The following PHACTR2 variants were observed in gnomAD, a reference collection of about 807,000 sequenced individuals.
The protein encoded by PHACTR2 is chromosome 6 open reading frame 56.
A neutral mutation model predicts 76.0 loss-of-function variants in PHACTR2; 30 were observed. The ratio of observed to expected loss-of-function variants is 0.39; its 90% CI spans 0.30 to 0.54. PHACTR2 has a LOEUF of 0.54. Among genes scored for constraint, PHACTR2 ranks in the 20% least tolerant of loss-of-function variants. The probability of loss-of-function intolerance (pLI) is 0.61; values close to 1 mark genes in which losing one functional copy is unlikely to be tolerated. For synonymous variants in PHACTR2, 292 were observed against 292.5 expected (o/e 1.00, Z 0.02); for missense variants, 696 against 781.1 (o/e 0.89, Z 1.30).
In PHACTR2 at chr6:143,788,829, C is replaced by T. The variant is rs926878239; in HGVS notation, c.1764C>T (p.Asn588=). 14 of 1,613,618 alleles carry T rather than the reference C, an allele frequency of 8.7e-6. No individual in the cohort carries two copies. Among genetic ancestry groups the T allele is most frequent in the Admixed American group, 1.7e-5 (1 of 60,012 alleles). The change falls in exon 11 of 13, where the codon AAC becomes AAT. Residue 588 remains asparagine (N), a synonymous_variant. Coordinates refer to ENST00000440869, the MANE Select transcript of PHACTR2 (RefSeq NM_001100164.2). The stretch of plus-strand genomic sequence containing the variant: ...AAGCTCGAAGGATCCTGCGATTTAA[C>T]GAGTATGTAGAAGTCACGGATTCTC... ...ELQARRILRF[N]EYVEVTDSPD...
intron 2 of PHACTR2, among the ~76,000 whole-genome samples, chr6:143,726,445 C>T (rs950904564): frequency 6.6e-6 from 1 of 152,166 alleles, no homozygotes; most frequent in African/African-American, 2.4e-5. Flanking sequence ...TTTGCCCCCC[C>T]AGTAACCCAC....
At chr6:143,631,716 G>A (rs1016350702) in intron 1 of PHACTR2, among the ~76,000 whole-genome samples, 2 of 152,280 alleles carry the variant, frequency 1.3e-5, no homozygotes, top group African/African-American at 2.4e-5. Context: ...TCAGTCTGCA[G>A]TCTGGTCCTG....
At chr6:143,690,625 A>G (rs1025674071) in intron 1 of PHACTR2, among the ~76,000 whole-genome samples, 1 of 152,220 alleles carries the variant, frequency 6.6e-6, no homozygotes, top group Non-Finnish European at 1.5e-5. Context: ...AATCAGGATG[A>G]ACGTTTTCCT....
At chr6:143,668,897 T>C (rs1777095670) in intron 1 of PHACTR2, among the ~76,000 whole-genome samples, 1 of 152,184 alleles carries the variant, frequency 6.6e-6, no homozygotes, top group South Asian at 2.1e-4. Flanking sequence ...CTTAGTTATT[T>C]CTTGTTTTCT....
rs1778966233 is a variant in PHACTR2, at chr6:143,742,420, G to T, written c.215-6565G>T. Among the ~76,000 whole-genome samples, 1 of 152,194 alleles carries T rather than the reference G, an allele frequency of 6.6e-6. No homozygotes were observed. Among genetic ancestry groups the T allele is most frequent in the African/African-American group, 2.4e-5 (1 of 41,440 alleles). On this transcript the variant is annotated intron_variant, in intron 2 of 12. Transcript: ENST00000440869. The surrounding 1 kb of genome is among the most constrained non-coding windows in gnomAD (Gnocchi z 4.5). The stretch of plus-strand genomic sequence containing the variant: ...AGCCACTCTTGCTCATATTTGTCTG[G>T]TTTTAACAGCTCCAGAAGAAAGAGA...
At chr6:143,650,593 A>G (rs148415028) in intron 1 of PHACTR2, among the ~76,000 whole-genome samples, 1,903 of 152,314 alleles carry the variant, frequency 0.012, 41 homozygotes, top group African/African-American at 0.043. Context: ...AGGATTCCCT[A>G]TTTAATAAAT....
At position 143,688,343 on chromosome 6, in the gene PHACTR2, GGGGT is replaced by G. The variant is rs1359807394; in HGVS notation, c.46+10139_46+10142del. 6.6e-6 allele frequency among the ~76,000 whole-genome samples: 1 copy of G among 152,104 alleles called. No homozygotes were observed. The highest frequency in any genetic ancestry group is 2.4e-5 in the African/African-American group (1 of 41,402). Reference sequence around the variant, plus strand: ...GAAGTGGATGCCTGATCTGGGGTGAGGGGTGGGTAGAGAAATGGGAGTAGGGTCT... The same window carrying G: ...GAAGTGGATGCCTGATCTGGGGTGAGGGGTAGAGAAATGGGAGTAGGGTCT... On this transcript the variant is annotated intron_variant, in intron 1 of 12. Coordinates refer to ENST00000440869, the MANE Select transcript of PHACTR2 (RefSeq NM_001100164.2). This position sits in a 1 kb window ranked among gnomAD's most constrained non-coding sequence, Gnocchi z 5.2.
At position 143,760,311 on chromosome 6, in the gene PHACTR2, G is replaced by T. The variant is rs571601440; in HGVS notation, c.455-90G>T. On this transcript the variant is annotated intron_variant, in intron 4 of 12. Coordinates refer to ENST00000440869, the MANE Select transcript of PHACTR2 (RefSeq NM_001100164.2). The surrounding 1 kb of genome is among the most constrained non-coding windows in gnomAD (Gnocchi z 6.4). The stretch of plus-strand genomic sequence containing the variant: ...TGATTCTCAAGTACCAAGCAGACAC[G>T]CTTTGTGTCACTATCGTCATGTCTT... 605 of 1,177,822 alleles carry T rather than the reference G, an allele frequency of 5.1e-4. No homozygotes were observed. The highest frequency in any genetic ancestry group is 7.0e-4 in the Non-Finnish European group (579 of 828,450). 73.0% of individuals were successfully genotyped at this position (1,177,822 alleles called of 1,614,324 possible). A position where few individuals can be genotyped will look rare whatever the true frequency, so the allele number is the denominator to read the frequency against.
At chr6:143,590,810 G>A (rs1775681488) in intron 1 of PHACTR2, among the ~76,000 whole-genome samples, 1 of 152,068 alleles carries the variant, frequency 6.6e-6, no homozygotes, top group South Asian at 2.1e-4. Context: ...CCCTTCCCTT[G>A]AAGGGTCTAT....
At chr6:143,810,035 C>T (rs949098967) in intron 12 of PHACTR2, among the ~76,000 whole-genome samples, 2 of 151,966 alleles carry the variant, frequency 1.3e-5, no homozygotes, top group African/African-American at 4.8e-5. Flanking sequence ...CACTTGATCC[C>T]AGGAGGCAGA....
chr6:143,699,312 C>T (rs1332765420), intron 1 of PHACTR2, among the ~76,000 whole-genome samples: 2 of 152,146 alleles, frequency 1.3e-5, no homozygotes, highest in African/African-American at 4.8e-5. Context: ...ACACCCAGGG[C>T]TCCTTCTCCT....
rs908507868 is a variant in PHACTR2 at position 143,656,475 on chromosome 6, G to A, written c.13+48153G>A. 4.6e-5 allele frequency among the ~76,000 whole-genome samples: 7 copies of A among 151,970 alleles called. No homozygotes were observed. Among genetic ancestry groups the A allele is most frequent in the East Asian group, 1.9e-4 (1 of 5,182 alleles). ...CTCATAGTGTTTTAAGAAAGTTTAC[G>A]TATTTGTTTTGGGCTGCATTCAAAG... On this transcript the variant is annotated intron_variant, in intron 1 of 11. Transcript: ENST00000305766. The surrounding 1 kb of genome is among the most constrained non-coding windows in gnomAD (Gnocchi z 5.3).
chr6:143,746,509 C>T (rs78664267), intron 2 of PHACTR2, among the ~76,000 whole-genome samples: 1 of 152,278 alleles, frequency 6.6e-6, no homozygotes, highest in African/African-American at 2.4e-5. Context: ...CACCTTCATC[C>T]TTAAGTTTAG....
chr6:143,614,769 C>T (rs530012703), intron 1 of PHACTR2, among the ~76,000 whole-genome samples: 14 of 152,290 alleles, frequency 9.2e-5, no homozygotes, highest in African/African-American at 3.4e-4. Context: ...TCATAAACAT[C>T]ACCATCAGAT....
rs1276169273 is a variant in PHACTR2, at chr6:143,647,216, C to T, written c.13+38894C>T. 6.6e-6 allele frequency among the ~76,000 whole-genome samples: 1 copy of T among 152,132 alleles called. No individual in the cohort carries two copies. Among genetic ancestry groups the T allele is most frequent in the Non-Finnish European group, 1.5e-5 (1 of 68,038 alleles). On this transcript the variant is annotated intron_variant, in intron 1 of 11. Coordinates refer to the PHACTR2 transcript ENST00000305766. The surrounding 1 kb of genome is among the most constrained non-coding windows in gnomAD (Gnocchi z 4.2). The stretch of plus-strand genomic sequence containing the variant: ...CTATTATAATATGTGTTTTGCATCC[C>T]TTTCTGTGATGTAGATAATATTAGT...
rs1397810607 is a variant in PHACTR2, at chr6:143,578,552, A to C, written c.217+41345A>C. ...AGCTGGGTACAAAATCACTCCTGCC[A>C]ACAAGAAAAGGAGGAAAAGGACCTT... is the stretch of plus-strand genomic sequence containing the variant. On this transcript the variant is annotated intron_variant, in intron 1 of 11. Coordinates refer to the PHACTR2 transcript ENST00000367584. This position sits in a 1 kb window ranked among gnomAD's most constrained non-coding sequence, Gnocchi z 4.5. 9.2e-5 allele frequency among the ~76,000 whole-genome samples: 14 copies of C among 152,138 alleles called. No individual in the cohort carries two copies. The highest frequency in any genetic ancestry group is 3.1e-4 in the African/African-American group (13 of 41,430).
rs1278402015 is a variant in PHACTR2, at chr6:143,801,314, C to G, written c.1846-5743C>G. On this transcript the variant is annotated intron_variant, in intron 11 of 12. Transcript: ENST00000440869. This position sits in a 1 kb window ranked among gnomAD's most constrained non-coding sequence, Gnocchi z 4.6. ...TGTTTTTCAACTTGGTTCTATTCTC[C>G]CCATCACTTTCAGGTACACCAATCA... Among the ~76,000 whole-genome samples the G allele has an allele frequency of 6.6e-6, 1 of 152,144 alleles. No homozygotes were observed.
At chr6:143,632,823 C>A (rs1264231673) in intron 1 of PHACTR2, among the ~76,000 whole-genome samples, 1 of 152,132 alleles carries the variant, frequency 6.6e-6, no homozygotes, top group Non-Finnish European at 1.5e-5. Flanking sequence ...ATAGTTTTGC[C>A]TTTTTCAGAA....
intron 10 of PHACTR2, among the ~76,000 whole-genome samples, chr6:143,786,754 A>C (rs546979440): frequency 1.6e-4 from 24 of 152,336 alleles, no homozygotes; most frequent in Admixed American, 1.4e-3. Flanking sequence ...TAAACCCATC[A>C]GATCTCATGA....
Sources: allele counts gnomAD v4.1 joint callset (sites outside exome capture counted in the v4.1 genomes callset), GRCh38; gene constraint gnomAD v4.1.1; non-coding constraint Gnocchi (gnomAD v3.1); transcripts MANE v1.5; gene names NCBI Gene and HGNC (gene_info 2026-07-23, HGNC 2026-07-21).